ATP6V0A2: variants seen among roughly 807,000 people sequenced by gnomAD.
ATP6V0A2 encodes ATPase H+ transporting V0 subunit a2.
ATP6V0A2 carries 58 observed loss-of-function variants against 104.4 expected under a neutral mutation model. The ratio of observed to expected loss-of-function variants is 0.56; its 90% CI spans 0.45 to 0.69. The LOEUF is 0.69. ATP6V0A2 is among the 30% of genes least tolerant of loss of function. ATP6V0A2 has a pLI of 0.00. For synonymous variants in ATP6V0A2, 376 were observed against 397.9 expected (o/e 0.95, Z 0.65); for missense variants, 938 against 1,062.9 (o/e 0.88, Z 1.63).
At chr12:123,747,195 T>C (rs1295170579) in intron 13 of ATP6V0A2, among the ~76,000 whole-genome samples, 3 of 152,170 alleles carry the variant, frequency 2.0e-5, no homozygotes, top group Non-Finnish European at 1.5e-5. Context: ...TACAGGAGCA[T>C]GTATGGCACA....
chr12:123,734,303 C>T (rs1204110055), intron 7 of ATP6V0A2, among the ~76,000 whole-genome samples: 3 of 152,278 alleles, frequency 2.0e-5, no homozygotes, highest in African/African-American at 7.2e-5. Flanking sequence ...TATGTTGTGA[C>T]TTCATGTTGC....
At chr12:123,742,500 C>T (rs568833267) in intron 9 of ATP6V0A2, among the ~76,000 whole-genome samples, 1 of 152,284 alleles carries the variant, frequency 6.6e-6, no homozygotes, top group South Asian at 2.1e-4. Context: ...CTGTGCCACC[C>T]TCGAGAATTT....
At chr12:123,726,899 TG>T (rs1339335971) in intron 5 of ATP6V0A2, among the ~76,000 whole-genome samples, 4 of 152,230 alleles carry the variant, frequency 2.6e-5, no homozygotes, top group African/African-American at 4.8e-5. Context: ...GAGATTTTTT[TG>T]TTGATTTGTT....
At position 123,752,525 on chromosome 12, in the gene ATP6V0A2, C is replaced by T. The variant is rs1956726122; in HGVS notation, c.2175+123C>T. 1.2e-5 allele frequency: 14 copies of T among 1,198,846 alleles called. No homozygotes were observed. The South Asian group carries it at 1.8e-4, about 16-fold the overall frequency. 74.3% of individuals were successfully genotyped at this position (1,198,846 alleles called of 1,614,324 possible). On this transcript the variant is annotated intron_variant, in intron 17 of 19. Transcript: ENST00000330342. ...GTTAAGAAAATGGGACTTCCAGCCT[C>T]CACAACTATGAGAAACCAGCGCTTT... is the stretch of plus-strand genomic sequence containing the variant.
chr12:123,725,460 A>C (rs116950396), intron 4 of ATP6V0A2, among the ~76,000 whole-genome samples: 3,804 of 152,286 alleles, frequency 0.025, 80 homozygotes, highest in Middle Eastern at 0.061. Flanking sequence ...TGCTAAGTAA[A>C]GGAAGTAAAA....
intron 14 of ATP6V0A2, among the ~76,000 whole-genome samples, chr12:123,748,142 G>A (rs1956680358): frequency 6.6e-6 from 1 of 152,154 alleles, no homozygotes; most frequent in African/African-American, 2.4e-5. Context: ...AAGAGTAAGA[G>A]ATGGTGTCAT....
Position 123,744,175 on chromosome 12 carries a change from G to A in ATP6V0A2, c.1190-26G>A. On this transcript the variant is annotated intron_variant, in intron 10 of 19. Coordinates refer to ENST00000330342, the MANE Select transcript of ATP6V0A2 (RefSeq NM_012463.4). The surrounding 1 kb of genome is among the most constrained non-coding windows in gnomAD (Gnocchi z 5.4). ...GGTTTTCCATATTTGCTGTGAATCA[G>A]AAATCTCTTTCCCTTTTTTCTGCAG... The A allele has an allele frequency of 6.2e-7, 1 of 1,614,024 alleles. No individual in the cohort carries two copies. Among genetic ancestry groups the A allele is most frequent in the South Asian group, 1.1e-5 (1 of 91,078 alleles).
chr12:123,743,806 C>T lies in ATP6V0A2; in HGVS notation c.1060C>T (p.Pro354Ser). 1 of 1,613,982 alleles carries T rather than the reference C, an allele frequency of 6.2e-7. No individual in the cohort carries two copies. The highest frequency in any genetic ancestry group is 1.1e-5 in the South Asian group (1 of 91,074). Residue 354 changes from proline to serine, a missense_variant, in exon 10 of 20, where the codon CCC becomes TCC. By Grantham distance (74) the Pro-to-Ser change is moderately conservative (BLOSUM62 -1). Coordinates refer to ENST00000330342, the MANE Select transcript of ATP6V0A2 (RefSeq NM_012463.4). The stretch of plus-strand genomic sequence containing the variant: ...GAAGAGAGAGAGTGGTGCTACAATC[C>T]CCTCATTCATGAATATAATCCCCAC... ...EGSRESGATI[P>S]SFMNIIPTKE...
At chr12:123,746,460 G>A (rs1956662990) in intron 13 of ATP6V0A2, among the ~76,000 whole-genome samples, 1 of 151,844 alleles carries the variant, frequency 6.6e-6, no homozygotes, top group South Asian at 2.1e-4. Flanking sequence ...AGATAGTTCA[G>A]GGCTAGGAAC....
At position 123,727,840 on chromosome 12, in the gene ATP6V0A2, G is replaced by C; in HGVS notation, c.579G>C (p.Trp193Cys). ...GKVEAFEKML[W>C]RVCKGYTIVS... ...TGGAAGCATTTGAAAAAATGTTGTG[G>C]AGAGTCTGCAAAGGGTACACCATCG... The change falls in exon 6 of 20, where the codon TGG becomes TGC. Residue 193 changes from tryptophan to cysteine, a missense_variant. Coordinates refer to ENST00000330342, the MANE Select transcript of ATP6V0A2 (RefSeq NM_012463.4). 1 of 1,614,160 alleles carries C rather than the reference G, an allele frequency of 6.2e-7. No individual in the cohort carries two copies. The highest frequency in any genetic ancestry group is 8.5e-7 in the Non-Finnish European group (1 of 1,180,024).
chr12:123,741,252 G>A (rs574101326), intron 9 of ATP6V0A2, among the ~76,000 whole-genome samples: 1 of 152,008 alleles, frequency 6.6e-6, no homozygotes, highest in East Asian at 1.9e-4. Context: ...CCAACATGGC[G>A]AGACCCTGTC....
chr12:123,732,927 A>G (rs1956516911), intron 6 of ATP6V0A2: 1 of 152,146 alleles, frequency 6.6e-6, no homozygotes, highest in African/African-American at 2.4e-5. Flanking sequence ...TAGCACCTAT[A>G]ATAGTGCCTA....
At chr12:123,720,465 G>T (rs1032875399) in intron 2 of ATP6V0A2, among the ~76,000 whole-genome samples, 3 of 152,332 alleles carry the variant, frequency 2.0e-5, no homozygotes, top group Middle Eastern at 3.4e-3. Context: ...GGGAGGCCAA[G>T]GTGGGAGGAT....
Position 123,744,772 on chromosome 12 carries a change from T to C in ATP6V0A2, c.1502T>C (p.Met501Thr), listed in dbSNP as rs1218982978. 6.2e-7 allele frequency: 1 copy of C among 1,614,160 alleles called. No individual in the cohort carries two copies. The highest frequency in any genetic ancestry group is 2.2e-5 in the East Asian group (1 of 44,882). Residue 501 changes from methionine to threonine, a missense_variant, in exon 12 of 20, where the codon ATG becomes ACG. Transcript: ENST00000330342. This position sits in a 1 kb window ranked among gnomAD's most constrained non-coding sequence, Gnocchi z 5.4. ...CACCCACCCGCAGAGCATAAGAAGA[T>C]GGTGCTTTGGAAGTAAGTGTCCCAT... ...SSHPPAEHKKMVLWNDSVVRH... is the reference protein window; with the variant it reads ...SSHPPAEHKKTVLWNDSVVRH...
chr12:123,738,552 TC>T (rs749342726), intron 9 of ATP6V0A2, among the ~76,000 whole-genome samples: 76 of 152,264 alleles, frequency 5.0e-4, no homozygotes, highest in Admixed American at 9.8e-4. Flanking sequence ...AGTTTGTCCC[TC>T]GTCTTTTGAC....
chr12:123,751,013 A>C, intron 15 of ATP6V0A2, 97 bp from the exon 16 acceptor site: 2 of 1,524,602 alleles, frequency 1.3e-6, no homozygotes, highest in Non-Finnish European at 1.8e-6. Flanking sequence ...CCTCGCGTGG[A>C]GACATTGTTC....
chr12:123,717,494 G>C (rs144866718), intron 1 of ATP6V0A2, among the ~76,000 whole-genome samples: 2 of 147,556 alleles, frequency 1.4e-5, no homozygotes, highest in Non-Finnish European at 1.5e-5. Context: ...ACCCAGGCTA[G>C]AGTGCAGTGG....
Position 123,751,174 on chromosome 12 carries a change from A to C in ATP6V0A2, c.2000A>C (p.Lys667Thr). 6.2e-7 allele frequency: 1 copy of C among 1,614,126 alleles called. No individual in the cohort carries two copies. The change falls in exon 16 of 20, where the codon AAG becomes ACG. Residue 667 changes from lysine to threonine, a missense_variant. Physicochemically the swap from Lys to Thr is moderately conservative, Grantham distance 78. Transcript: ENST00000330342. Reference sequence around the variant, plus strand: ...TCTGTCCCTGTCCTCTTCTTGGGAAAGCCACTGTTTTTGTTGTGGCTTCAC... The same window carrying C: ...TCTGTCCCTGTCCTCTTCTTGGGAACGCCACTGTTTTTGTTGTGGCTTCAC... ...ALSVPVLFLG[K>T]PLFLLWLHNG...
At chr12:123,724,364 C>T (rs1409488070) in intron 3 of ATP6V0A2, 2 of 264,820 alleles carry the variant, frequency 7.6e-6, no homozygotes, top group Admixed American at 1.5e-4. Flanking sequence ...TCTCTACTAA[C>T]AATACAAAAA....
Sources: allele counts gnomAD v4.1 joint callset (sites outside exome capture counted in the v4.1 genomes callset), GRCh38; gene constraint gnomAD v4.1.1; non-coding constraint Gnocchi (gnomAD v3.1); transcripts MANE v1.5; gene names NCBI Gene and HGNC (gene_info 2026-07-23, HGNC 2026-07-21).